ADAMTS3: variants seen among roughly 807,000 people sequenced by gnomAD.
ADAMTS3 encodes ADAM metallopeptidase with thrombospondin type 1 motif 3.
ADAMTS3 carries 73 observed loss-of-function variants against 129.0 expected under a neutral mutation model. That is an observed-to-expected ratio of 0.57 (90% CI 0.47 to 0.69). The LOEUF (loss-of-function observed/expected upper bound fraction) is 0.69. Among genes scored for constraint, ADAMTS3 ranks in the 30% least tolerant of loss-of-function variants. The pLI is 0.00. For synonymous variants in ADAMTS3, 477 were observed against 510.8 expected (o/e 0.93, Z 0.89); for missense variants, 1,457 against 1,514.5 (o/e 0.96, Z 0.63).
In ADAMTS3 at chr4:72,455,937, T is replaced by TATAC. The variant is rs1560522164; in HGVS notation, c.505-40967_505-40966insGTAT. On this transcript the variant is annotated intron_variant, in intron 3 of 21. Transcript: ENST00000286657. ...ATATATACTATATATATTTTATATA[T>TATAC]AGTATATATACAGTATATATACTAT... is the stretch of plus-strand genomic sequence containing the variant. Among the ~76,000 whole-genome samples, 30 of 109,756 alleles carry TATAC rather than the reference T, an allele frequency of 2.7e-4. 1 individual carries two copies. Among genetic ancestry groups the TATAC allele is most frequent in the East Asian group, 2.5e-4 (1 of 4,026 alleles). The allele number at this position is 109,756 out of a possible 152,430, so 72.0% of individuals were successfully genotyped here.
chr4:72,538,595 C>G (rs6839050), intron 3 of ADAMTS3, among the ~76,000 whole-genome samples: 7,381 of 151,968 alleles, frequency 0.049, 591 homozygotes, highest in African/African-American at 0.17. Flanking sequence ...TGAAGGAGTT[C>G]ATTACCACTA....
chr4:72,520,419 G>A (rs971184623), intron 3 of ADAMTS3, among the ~76,000 whole-genome samples: 5 of 152,196 alleles, frequency 3.3e-5, no homozygotes, highest in African/African-American at 1.2e-4. Flanking sequence ...CTGTCTTTTT[G>A]TTTGTCTGTG....
intron 3 of ADAMTS3, among the ~76,000 whole-genome samples, chr4:72,468,461 G>A (rs1483885140): frequency 1.3e-5 from 2 of 151,936 alleles, no homozygotes; most frequent in Admixed American, 6.6e-5. Flanking sequence ...CTTAAAAAAT[G>A]TATTTCACAA....
chr4:72,288,897 C>A, intron 20 of ADAMTS3, 29 bp from the exon 21 acceptor site: 1 of 1,277,568 alleles, frequency 7.8e-7, no homozygotes, highest in Non-Finnish European at 1.1e-6. Flanking sequence ...TGGTTACAGA[C>A]ATTTATTGCA....
intron 17 of ADAMTS3, among the ~76,000 whole-genome samples, chr4:72,302,069 G>A (rs1187162666): frequency 6.6e-6 from 1 of 152,010 alleles, no homozygotes; most frequent in Non-Finnish European, 1.5e-5. Flanking sequence ...CTAGCTGTAA[G>A]GAAGAATAAA....
At chr4:72,457,600 AGTTT>A (rs1317617918) in intron 3 of ADAMTS3, among the ~76,000 whole-genome samples, 2 of 151,652 alleles carry the variant, frequency 1.3e-5, no homozygotes, top group Non-Finnish European at 2.9e-5. Context: ...GAGGACTTGC[AGTTT>A]GTTAAAAACT....
chr4:72,422,633 T>C (rs1364564996), intron 3 of ADAMTS3, among the ~76,000 whole-genome samples: 1 of 152,046 alleles, frequency 6.6e-6, no homozygotes, highest in African/African-American at 2.4e-5. Context: ...ACTCAAACAC[T>C]GCCAAGAGTT....
intron 3 of ADAMTS3, among the ~76,000 whole-genome samples, chr4:72,440,942 C>A (rs997968344): frequency 6.6e-6 from 1 of 151,618 alleles, no homozygotes; most frequent in East Asian, 2.0e-4. Context: ...TACAATGATG[C>A]ACAGATCTTA....
At chr4:72,290,306 A>T (rs1718621857) in intron 20 of ADAMTS3, among the ~76,000 whole-genome samples, 1 of 152,200 alleles carries the variant, frequency 6.6e-6, no homozygotes, top group African/African-American at 2.4e-5. Context: ...CATTTCAGAT[A>T]TACAGGAGGA....
chr4:72,519,220 T>C (rs1388260186), intron 3 of ADAMTS3, among the ~76,000 whole-genome samples: 1 of 152,262 alleles, frequency 6.6e-6, no homozygotes, highest in Non-Finnish European at 1.5e-5. Flanking sequence ...GTTAGTCTGA[T>C]GGGCTTCCCT....
intron 3 of ADAMTS3, among the ~76,000 whole-genome samples, chr4:72,545,735 T>C (rs1232977469): frequency 6.6e-6 from 1 of 152,180 alleles, no homozygotes; most frequent in Non-Finnish European, 1.5e-5. Flanking sequence ...TCTGTGGACA[T>C]CTTCCACAGG....
intron 17 of ADAMTS3, among the ~76,000 whole-genome samples, chr4:72,300,630 C>A (rs1718925597): frequency 6.6e-6 from 1 of 152,008 alleles, no homozygotes; most frequent in African/African-American, 2.4e-5. Context: ...ACAAATAGTG[C>A]TAAAACAACT....
chr4:72,405,757 C>G (rs1722034649), intron 4 of ADAMTS3, among the ~76,000 whole-genome samples: 1 of 152,120 alleles, frequency 6.6e-6, no homozygotes, highest in African/African-American at 2.4e-5. Flanking sequence ...GTTGTAATTT[C>G]TTCCCAGTTC....
intron 3 of ADAMTS3, among the ~76,000 whole-genome samples, chr4:72,529,845 T>A (rs1270519496): frequency 1.2e-5 from 1 of 83,928 alleles, no homozygotes; most frequent in Non-Finnish European, 2.1e-5. Flanking sequence ...ATATAATATA[T>A]TATATTAATA....
intron 6 of ADAMTS3, among the ~76,000 whole-genome samples, chr4:72,322,541 T>C (rs1393085868): frequency 6.6e-6 from 1 of 152,202 alleles, no homozygotes; most frequent in Non-Finnish European, 1.5e-5. Flanking sequence ...GATATATGTA[T>C]ATAAAATATT....
intron 4 of ADAMTS3, among the ~76,000 whole-genome samples, chr4:72,384,983 A>T (rs956601106): frequency 6.6e-6 from 1 of 152,014 alleles, no homozygotes; most frequent in Non-Finnish European, 1.5e-5. Flanking sequence ...CCTGGCTAAC[A>T]CCCTGAAACC....
rs563970565 is a variant in ADAMTS3 at position 72,296,476 on chromosome 4, G to C, written c.2591-690C>G. ...TATTTGTAATTATGTATATAAATTT[G>C]AAAAAATTCAAACCTATCCAAAAGT... On this transcript the variant is annotated intron_variant, in intron 18 of 21. Coordinates refer to ENST00000286657, the MANE Select transcript of ADAMTS3 (RefSeq NM_014243.3). Among the ~76,000 whole-genome samples, 76 of 152,030 alleles carry C rather than the reference G, an allele frequency of 5.0e-4. 2 individuals are homozygous for C. The South Asian group carries it at 0.016, about 32-fold the overall frequency.
chr4:72,539,442 C>T (rs1721263691), intron 3 of ADAMTS3, among the ~76,000 whole-genome samples: 2 of 124,950 alleles, frequency 1.6e-5, no homozygotes, highest in African/African-American at 6.1e-5. Flanking sequence ...CATCTCAAAA[C>T]TATAATAAAA....
chr4:72,400,088 TATAC>T, intron 4 of ADAMTS3, among the ~76,000 whole-genome samples: 4 of 56,556 alleles, frequency 7.1e-5, no homozygotes, highest in Non-Finnish European at 1.3e-4. Context: ...ATGGTGTGTA[TATAC>T]GTGTGTATAT....
Sources: allele counts gnomAD v4.1 joint callset (sites outside exome capture counted in the v4.1 genomes callset), GRCh38; gene constraint gnomAD v4.1.1; transcripts MANE v1.5; gene names NCBI Gene and HGNC (gene_info 2026-07-23, HGNC 2026-07-21).